The following TMEM67 variants were observed in gnomAD, a reference collection of about 807,000 sequenced individuals.
TMEM67 encodes meckelin.
TMEM67 carries 124 observed loss-of-function variants against 136.6 expected under a neutral mutation model. The ratio of observed to expected loss-of-function variants is 0.91; its 90% CI spans 0.78 to 1.05. TMEM67 has a LOEUF of 1.05. TMEM67 is among the 50% of genes least tolerant of loss of function. The pLI, the probability that TMEM67 is intolerant of heterozygous loss-of-function variation, is 0.00. For synonymous variants in TMEM67, 364 were observed against 390.5 expected, an observed-to-expected ratio of 0.93 and a Z score of 0.80; for missense variants, 1,107 against 1,178.4, an observed-to-expected ratio of 0.94 and a Z score of 0.89.
intron 3 of TMEM67, among the ~76,000 whole-genome samples, chr8:93,762,724 G>A (rs1294337620): frequency 6.6e-6 from 1 of 151,968 alleles, no homozygotes; most frequent in African/African-American, 2.4e-5. Flanking sequence ...ACTTCATGAT[G>A]TACTAATTTT....
chr8:93,818,421 G>C (rs1808980564), downstream of TMEM67, among the ~76,000 whole-genome samples: 1 of 152,202 alleles, frequency 6.6e-6, no homozygotes, highest in African/African-American at 2.4e-5. Flanking sequence ...ATTTGTAAAT[G>C]CTTCCTTCTC....
intron 6 of TMEM67, among the ~76,000 whole-genome samples, chr8:93,770,341 G>A (rs1167883686): frequency 6.6e-6 from 1 of 151,746 alleles, no homozygotes; most frequent in Non-Finnish European, 1.5e-5. Context: ...AAAGAATAAG[G>A]CATTTTCCTA....
chr8:93,790,525 TAAAC>T (rs1814329495), intron 14 of TMEM67, among the ~76,000 whole-genome samples: 2 of 152,218 alleles, frequency 1.3e-5, no homozygotes, highest in Admixed American at 6.5e-5. Flanking sequence ...AACAACCAAC[TAAAC>T]AAACAAACAT....
At position 93,765,406 on chromosome 8, in the gene TMEM67, G is replaced by A. The variant is rs759319668; in HGVS notation, c.507G>A (p.Arg169=). The A allele has an allele frequency of 4.3e-6, 7 of 1,609,900 alleles. No homozygotes were observed. The African/African-American group carries it at 6.7e-5, about 15-fold the overall frequency. Residue 169 remains arginine (R), a splice_region_variant and synonymous_variant, in exon 5 of 28, where the codon AGG becomes AGA. Transcript: ENST00000453321. ...SFMVVNALGD[R]CVRCEPTFVN... ...AAATTATTTTTGTTATATTGAACAG[G>A]TGCGTCCGATGTGAGCCAACATTTG...
At chr8:93,815,000 T>A (rs1808851959) in intron 26 of TMEM67, among the ~76,000 whole-genome samples, 1 of 152,204 alleles carries the variant, frequency 6.6e-6, no homozygotes, top group African/African-American at 2.4e-5. Context: ...AGCTTTTAGT[T>A]GTATAAAGAA....
At chr8:93,787,974 C>G (rs767408690) in intron 14 of TMEM67, 25 bp downstream of exon 14, 1 of 1,510,662 alleles carries the variant, frequency 6.6e-7, no homozygotes, top group East Asian at 2.3e-5. Context: ...TATTAGTGCC[C>G]TTGTATGTAT....
chr8:93,800,034 A>C (rs970911750), intron 21 of TMEM67, among the ~76,000 whole-genome samples: 1 of 150,506 alleles, frequency 6.6e-6, no homozygotes, highest in Non-Finnish European at 1.5e-5. Context: ...CAACCTCCTG[A>C]GTAGCTGGGT....
chr8:93,817,119 AT>A lies in TMEM67; in HGVS notation c.*669del, dbSNP rs1232106125. 1 of 152,250 alleles carries A rather than the reference AT, an allele frequency of 6.6e-6. No homozygotes were observed. Among genetic ancestry groups the A allele is most frequent in the African/African-American group, 2.4e-5 (1 of 41,462 alleles). 9.4% of individuals were successfully genotyped at this position (152,250 alleles called of 1,614,324 possible). ...TGCATTTCTAATATAGTTTACATTTATTAAGTTATAACGTATGACATTTTTC... is the reference window on the plus strand; with the variant it reads ...TGCATTTCTAATATAGTTTACATTTATAAGTTATAACGTATGACATTTTTC... On this transcript the variant is annotated 3_prime_UTR_variant, in exon 28 of 28. Transcript: ENST00000453321.
downstream of TMEM67, among the ~76,000 whole-genome samples, chr8:93,823,992 AT>A (rs1487465639): frequency 6.6e-6 from 1 of 152,222 alleles, no homozygotes; most frequent in Non-Finnish European, 1.5e-5. Context: ...GCCAAAGTCA[AT>A]GATCTAATCC....
At chr8:93,764,479 C>G (rs1473382265) in intron 4 of TMEM67, among the ~76,000 whole-genome samples, 1 of 139,094 alleles carries the variant, frequency 7.2e-6, no homozygotes, top group African/African-American at 2.7e-5. Flanking sequence ...TTCCTGTTCC[C>G]CCTTTGTGCA....
chr8:93,758,773 A>AT (rs1409953150), intron 3 of TMEM67, 197 bp downstream of exon 3: 3 of 556,622 alleles, frequency 5.4e-6, no homozygotes, highest in Non-Finnish European at 9.6e-6. Context: ...TAATTTTTAA[A>AT]TTTTTTGTAG....
chr8:93,774,025 A>AT (rs1203721605), intron 7 of TMEM67, among the ~76,000 whole-genome samples: 104 of 147,760 alleles, frequency 7.0e-4, no homozygotes, highest in South Asian at 2.8e-3. Flanking sequence ...GTTAAAAAAA[A>AT]TTTTTTTTTT....
chr8:93,794,385 A>G (rs1357524179), intron 16 of TMEM67, among the ~76,000 whole-genome samples: 1 of 152,222 alleles, frequency 6.6e-6, no homozygotes, highest in East Asian at 1.9e-4. Flanking sequence ...AATATTTACC[A>G]TGTACCAGGC....
intron 7 of TMEM67, among the ~76,000 whole-genome samples, chr8:93,775,390 C>A (rs537952716): frequency 2.2e-4 from 34 of 152,240 alleles, no homozygotes; most frequent in African/African-American, 7.9e-4. Flanking sequence ...GCTTTTGTTG[C>A]CATTGCTTTT....
intron 14 of TMEM67, 65 bp from the exon 15 acceptor site, chr8:93,791,198 A>T: frequency 9.2e-7 from 1 of 1,082,790 alleles, no homozygotes; most frequent in South Asian, 1.3e-5. Flanking sequence ...ATGTATTTTT[A>T]TAACAAAAAT....
intron 21 of TMEM67, among the ~76,000 whole-genome samples, chr8:93,803,222 A>G (rs1814943338): frequency 6.6e-6 from 1 of 152,226 alleles, no homozygotes; most frequent in Non-Finnish European, 1.5e-5. Flanking sequence ...TTTGAAAAGT[A>G]GAGCATTTTC....
At chr8:93,793,339 C>T in intron 16 of TMEM67, 43 bp downstream of exon 16, 1 of 1,498,222 alleles carries the variant, frequency 6.7e-7, no homozygotes, top group Non-Finnish European at 9.3e-7. Context: ...TATCTTTTGA[C>T]CATTCTGGAT....
At chr8:93,801,502 A>G (rs568577203) in intron 21 of TMEM67, among the ~76,000 whole-genome samples, 1 of 151,992 alleles carries the variant, frequency 6.6e-6, no homozygotes, top group South Asian at 2.1e-4. Flanking sequence ...CCCAGGTTCA[A>G]GCGATTCTCC....
At chr8:93,756,637 G>A (rs1323720850) in intron 2 of TMEM67, 1 of 151,922 alleles carries the variant, frequency 6.6e-6, no homozygotes, top group Non-Finnish European at 1.5e-5. Flanking sequence ...CTTTATAATA[G>A]ATTATAATAG....
Sources: gnomAD v4.1 joint callset for allele counts (sites outside exome capture counted in the v4.1 genomes callset) on GRCh38, gnomAD v4.1.1 for gene constraint, MANE v1.5 for transcripts, NCBI Gene and HGNC (gene_info 2026-07-23, HGNC 2026-07-21) for gene names.